PLG: variants seen among roughly 807,000 people sequenced by gnomAD.
PLG encodes the protein plasminogen.
A neutral mutation model predicts 104.4 loss-of-function variants in PLG; 41 were observed. That is an observed-to-expected ratio of 0.39 (90% CI 0.31 to 0.51). PLG has a LOEUF of 0.51. PLG is among the 20% of genes least tolerant of loss of function. PLG has a pLI of 0.76. For synonymous variants in PLG, 337 were observed against 357.1 expected, an observed-to-expected ratio of 0.94 and a Z score of 0.63; for missense variants, 891 against 1,003.6, an observed-to-expected ratio of 0.89 and a Z score of 1.52.
At chr6:160,733,423 C>T (rs1778032828) in intron 12 of PLG, among the ~76,000 whole-genome samples, 1 of 152,112 alleles carries the variant, frequency 6.6e-6, no homozygotes, top group South Asian at 2.1e-4. Context: ...CCAAAGACCC[C>T]CGAGGGTCAC....
At position 160,752,443 on chromosome 6, in the gene PLG, C is replaced by T. The variant is rs1012636806; in HGVS notation, c.2271+183C>T. ...GTATTCAGATCATCTAAGGGGATGT[C>T]TTGGGGCTTGAGTTCCAAATCAGTA... On this transcript the variant is annotated intron_variant, in intron 18 of 18. Coordinates refer to ENST00000308192, the MANE Select transcript of PLG (RefSeq NM_000301.5). The surrounding 1 kb of genome is among the most constrained non-coding windows in gnomAD (Gnocchi z 4.7). Among the ~76,000 whole-genome samples the T allele has an allele frequency of 6.6e-6, 1 of 152,172 alleles. No homozygotes were observed. The highest frequency in any genetic ancestry group is 2.4e-5 in the African/African-American group (1 of 41,428).
At chr6:160,707,862 CT>C in intron 3 of PLG, 56 bp downstream of exon 3, 1 of 1,163,298 alleles carries the variant, frequency 8.6e-7, no homozygotes, top group African/African-American at 1.5e-5. Context: ...CCCACTCTTC[CT>C]CTTTCTCTAT....
Position 160,752,186 on chromosome 6 carries a change from G to A in PLG, c.2197G>A (p.Glu733Lys). 1.2e-6 allele frequency: 2 copies of A among 1,613,550 alleles called. No homozygotes were observed. Among genetic ancestry groups the A allele is most frequent in the Non-Finnish European group, 1.7e-6 (2 of 1,179,448 alleles). ...TGAGAATAAAGTGTGCAATCGCTAT[G>A]AGTTTCTGAATGGAAGAGTCCAATC... ...VIENKVCNRY[E>K]FLNGRVQSTE... The change falls in exon 18 of 19, where the codon GAG becomes AAG. Residue 733 changes from glutamate to lysine, a missense_variant. Glu to Lys is a moderately conservative substitution (Grantham distance 56). Around this residue, in one of 2 missense-constraint regions of PLG, gnomAD observed 854 missense variants for 932.1 expected, o/e 0.92. Coordinates refer to ENST00000308192, the MANE Select transcript of PLG (RefSeq NM_000301.5). The surrounding 1 kb of genome is among the most constrained non-coding windows in gnomAD (Gnocchi z 4.7).
At chr6:160,748,664 A>C (rs1778340713) in intron 17 of PLG, among the ~76,000 whole-genome samples, 1 of 152,204 alleles carries the variant, frequency 6.6e-6, no homozygotes, top group African/African-American at 2.4e-5. Context: ...CTTGCAAGTG[A>C]CAGAAAATGC....
rs1184975275 is a variant in PLG at position 160,738,664 on chromosome 6, T to C, written c.1877+52T>C. The C allele has an allele frequency of 8.7e-6, 10 of 1,144,606 alleles. No homozygotes were observed. In the African/African-American group the frequency reaches 1.5e-4, roughly 17 times the overall value. The allele number at this position is 1,144,606 out of a possible 1,614,324, so 70.9% of individuals were successfully genotyped here. On this transcript the variant is annotated intron_variant, in intron 15 of 18. Coordinates refer to ENST00000308192, the MANE Select transcript of PLG (RefSeq NM_000301.5). This position sits in a 1 kb window ranked among gnomAD's most constrained non-coding sequence, Gnocchi z 6.8. ...AGTCTTGTCTTAAATACTTTTTCTG[T>C]CCTTCTTTTCCTCCTTTCCTCCTTT...
At position 160,748,441 on chromosome 6, in the gene PLG, A is replaced by G. The variant is rs1385693443; in HGVS notation, c.2126-3674A>G. ...GGGAAAGAAAGAGAACGAAAGAAAG[A>G]AGGGAGGGAGGGAGGGAGGGAGGGA... On this transcript the variant is annotated intron_variant, in intron 17 of 18. Transcript: ENST00000308192. 2.4e-5 allele frequency among the ~76,000 whole-genome samples: 2 copies of G among 82,778 alleles called. 1 individual carries two copies. The highest frequency in any genetic ancestry group is 5.0e-5 in the Non-Finnish European group (2 of 40,136). The allele number at this position is 82,778 out of a possible 152,430, so 54.3% of individuals were successfully genotyped here. A position where few individuals can be genotyped will look rare whatever the true frequency, so the allele number is the denominator to read the frequency against.
At chr6:160,745,918 T>C (rs1407150054) in intron 17 of PLG, among the ~76,000 whole-genome samples, 1 of 152,202 alleles carries the variant, frequency 6.6e-6, no homozygotes, top group East Asian at 1.9e-4. Context: ...TATGAAATTC[T>C]TGGGTGGATA....
At chr6:160,703,283 T>A (rs2115146623) in intron 1 of PLG, among the ~76,000 whole-genome samples, 2 of 143,634 alleles carry the variant, frequency 1.4e-5, no homozygotes, top group South Asian at 4.4e-4. Flanking sequence ...AAAAAAAAGC[T>A]TTATTGAGAT....
At chr6:160,714,536 G>A (rs1411658920) in intron 5 of PLG, among the ~76,000 whole-genome samples, 3 of 152,160 alleles carry the variant, frequency 2.0e-5, no homozygotes, top group African/African-American at 7.2e-5. Context: ...TCTGAACTTG[G>A]TCATGACTAC....
chr6:160,742,244 C>G (rs75909846), intron 17 of PLG, among the ~76,000 whole-genome samples: 1,893 of 152,274 alleles, frequency 0.012, 37 homozygotes, highest in African/African-American at 0.043. Context: ...ATACTGCTTT[C>G]TACAGTGGAT....
At chr6:160,711,268 G>A (rs1249937059) in intron 4 of PLG, 77 bp downstream of exon 4, 3 of 1,342,594 alleles carry the variant, frequency 2.2e-6, no homozygotes, top group Non-Finnish European at 2.1e-6. Flanking sequence ...TTGGTTCCAG[G>A]ACCCCTGTGG....
intron 17 of PLG, among the ~76,000 whole-genome samples, chr6:160,746,798 CA>C (rs1778284243): frequency 6.6e-6 from 1 of 152,126 alleles, no homozygotes; most frequent in Admixed American, 6.5e-5. Context: ...AAGCCTTGTG[CA>C]GGGTCTTTAT....
Position 160,717,321 on chromosome 6 carries a change from G to T in PLG, c.787+558G>T, listed in dbSNP as rs79175576. On this transcript the variant is annotated intron_variant, in intron 7 of 18. Coordinates refer to ENST00000308192, the MANE Select transcript of PLG (RefSeq NM_000301.5). ...TCCTCTCTGAGAATTTGAAGCAAAG[G>T]ATTACACACTAAGAGAAATACAGGC... Among the ~76,000 whole-genome samples the T allele has an allele frequency of 8.7e-3, 1,318 of 152,300 alleles. 15 individuals carry two copies. Among genetic ancestry groups the T allele is most frequent in the African/African-American group, 0.031 (1,276 of 41,558 alleles).
chr6:160,737,102 C>T lies in PLG; in HGVS notation c.1802+95C>T, dbSNP rs536472115. 78 of 1,508,182 alleles carry T rather than the reference C, an allele frequency of 5.2e-5. No individual in the cohort carries two copies. Among genetic ancestry groups the T allele is most frequent in the Non-Finnish European group, 6.9e-5 (76 of 1,102,138 alleles). The allele number at this position is 1,508,182 out of a possible 1,614,324, so 93.4% of individuals were successfully genotyped here. ...CATAAAATCCACACAGCTGAGGCAT[C>T]AGCACCTGCCTCTAAGTTTTCTGAA... On this transcript the variant is annotated intron_variant, in intron 14 of 18. Coordinates refer to ENST00000308192, the MANE Select transcript of PLG (RefSeq NM_000301.5). The surrounding 1 kb of genome is among the most constrained non-coding windows in gnomAD (Gnocchi z 4.7).
intron 10 of PLG, among the ~76,000 whole-genome samples, chr6:160,722,867 C>A (rs1777859357): frequency 6.6e-6 from 1 of 152,098 alleles, no homozygotes; most frequent in Non-Finnish European, 1.5e-5. Context: ...CAGTACCATT[C>A]CACAATGCCC....
intron 9 of PLG, among the ~76,000 whole-genome samples, chr6:160,720,652 T>G (rs1487834267): frequency 6.6e-6 from 1 of 152,142 alleles, no homozygotes; most frequent in Non-Finnish European, 1.5e-5. Context: ...ACTTCTGACC[T>G]CAGACGGTCC....
At chr6:160,733,860 A>AAAG (rs1778042896) in intron 12 of PLG, 135 bp from the exon 13 acceptor site, 1 of 506,544 alleles carries the variant, frequency 2.0e-6, no homozygotes, top group Non-Finnish European at 3.7e-6. Context: ...AAAAAAAAAA[A>AAAG]AAAAAAAAGA....
rs1778244663 is a variant in PLG at position 160,744,310 on chromosome 6, G to T, written c.2125+2893G>T. 3.3e-5 allele frequency among the ~76,000 whole-genome samples: 5 copies of T among 152,098 alleles called. No individual in the cohort carries two copies. The highest frequency in any genetic ancestry group is 3.3e-4 in the Admixed American group (5 of 15,266). On this transcript the variant is annotated intron_variant, in intron 17 of 18. Coordinates refer to ENST00000308192, the MANE Select transcript of PLG (RefSeq NM_000301.5). This position sits in a 1 kb window ranked among gnomAD's most constrained non-coding sequence, Gnocchi z 4.5. ...GTCCTGGGCTTTTGTTGGTTAGTAG[G>T]CTATTTATTACTGATTCAATTTTGG...
rs1459884645 is a variant in PLG, at chr6:160,718,818, C to T, written c.1076C>T (p.Thr359Met). Residue 359 changes from threonine (T) to methionine (M), a missense_variant, in exon 9 of 19, where the codon ACG (threonine) becomes ATG (methionine). Physicochemically the swap from Thr to Met is moderately conservative, Grantham distance 81. Around this residue, in one of 2 missense-constraint regions of PLG, gnomAD observed 854 missense variants for 932.1 expected, o/e 0.92. Coordinates refer to ENST00000308192, the MANE Select transcript of PLG (RefSeq NM_000301.5). ...IPSCDSSPVS[T>M]EQLAPTAPPE... The stretch of plus-strand genomic sequence containing the variant: ...TCCTGTGACTCCTCCCCAGTATCCA[C>T]GGAACAATTGGCTCCCACAGGTAAG... 6.8e-6 allele frequency: 11 copies of T among 1,613,812 alleles called. No homozygotes were observed. The highest frequency in any genetic ancestry group is 2.2e-5 in the East Asian group (1 of 44,874).
Sources: gnomAD v4.1 joint callset for allele counts (sites outside exome capture counted in the v4.1 genomes callset) on GRCh38, gnomAD v4.1.1 for gene constraint, gnomAD v4.1.1 regional missense constraint, Gnocchi (gnomAD v3.1) non-coding constraint, MANE v1.5 for transcripts, NCBI Gene and HGNC (gene_info 2026-07-23, HGNC 2026-07-21) for gene names.